The following CFAP299 variants were observed in gnomAD, a reference collection of about 807,000 sequenced individuals.
CFAP299 encodes the protein cilia- and flagella-associated protein 299.
A neutral mutation model predicts 27.0 loss-of-function variants in CFAP299; 21 were observed. The observed-to-expected ratio is 0.78, with a 90% CI of 0.55 to 1.12. CFAP299 has a LOEUF of 1.12. CFAP299 is among the 50% of genes most tolerant of loss of function. The pLI is 0.00. For missense variants in CFAP299, 310 were observed against 276.6 expected (o/e 1.12, Z -0.86); for synonymous variants, 104 against 98.1 (o/e 1.06, Z -0.36).
intron 3 of CFAP299, among the ~76,000 whole-genome samples, chr4:80,828,117 T>G (rs1387825596): frequency 6.6e-6 from 1 of 152,024 alleles, no homozygotes; most frequent in East Asian, 1.9e-4. Flanking sequence ...GTTCGTATTA[T>G]GGAAGACAAT....
chr4:80,821,074 C>A (rs1729678642), intron 3 of CFAP299, among the ~76,000 whole-genome samples: 1 of 152,070 alleles, frequency 6.6e-6, no homozygotes, highest in Non-Finnish European at 1.5e-5. Context: ...GATCACAGAC[C>A]TGATTGATCA....
chr4:80,358,295 GAGA>G (rs1166101293), intron 1 of CFAP299, among the ~76,000 whole-genome samples: 1 of 152,168 alleles, frequency 6.6e-6, no homozygotes, highest in Admixed American at 6.6e-5. Flanking sequence ...AGGTGGCAGT[GAGA>G]AGAACATACG....
chr4:80,421,691 GA>G (rs1390419113), intron 2 of CFAP299, among the ~76,000 whole-genome samples: 1 of 152,182 alleles, frequency 6.6e-6, no homozygotes, highest in Non-Finnish European at 1.5e-5. Flanking sequence ...TTTCATGAAT[GA>G]ACTTAAGGAG....
chr4:80,702,246 G>A (rs1384589288), intron 3 of CFAP299, among the ~76,000 whole-genome samples: 1 of 151,602 alleles, frequency 6.6e-6, no homozygotes, highest in Non-Finnish European at 1.5e-5. Context: ...TTCAATATTT[G>A]TAAATATTAA....
At chr4:80,855,513 G>A (rs982110360) in intron 3 of CFAP299, among the ~76,000 whole-genome samples, 17 of 151,934 alleles carry the variant, frequency 1.1e-4, no homozygotes, top group South Asian at 6.2e-4. Flanking sequence ...CGACTAACTC[G>A]TCATCTAGCA....
chr4:80,504,463 A>ATATATATATATG (rs1731901983), intron 2 of CFAP299, among the ~76,000 whole-genome samples: 1 of 6,054 alleles, frequency 1.7e-4, no homozygotes, highest in African/African-American at 6.7e-4. Flanking sequence ...AAAATCTCAC[A>ATATATATATATG]TATATATATA....
rs545769787 is a variant in CFAP299 at position 80,829,560 on chromosome 4, C to G, written c.334-40433C>G. The stretch of plus-strand genomic sequence containing the variant: ...AAAATAGAATTACCATATGATCCAG[C>G]AATTTGATTTCTAAGTATGTAAGTA... On this transcript the variant is annotated intron_variant, in intron 3 of 5. Coordinates refer to ENST00000358105, the MANE Select transcript of CFAP299 (RefSeq NM_152770.3). Among the ~76,000 whole-genome samples the G allele has an allele frequency of 2.0e-5, 3 of 151,934 alleles. No homozygotes were observed. In the South Asian group the frequency reaches 6.2e-4, roughly 32 times the overall value.
chr4:80,608,365 C>A, intron 3 of CFAP299: 1 of 1,529,462 alleles, frequency 6.5e-7, no homozygotes. Flanking sequence ...CTGCTCATAT[C>A]TTGAAGAAGC....
chr4:80,929,351 ACACCACTATCCCTCCAGTCTCTGTAG>A (rs1450653007), intron 4 of CFAP299, among the ~76,000 whole-genome samples: 66 of 140,484 alleles, frequency 4.7e-4, no homozygotes, highest in South Asian at 1.5e-3. Flanking sequence ...AGTCTCTATG[ACACCACTATCCCTCCAGTCTCTGTAG>A]CACCACTATC....
intron 2 of CFAP299, among the ~76,000 whole-genome samples, chr4:80,392,464 G>C (rs1022014101): frequency 6.6e-6 from 1 of 152,116 alleles, no homozygotes; most frequent in Non-Finnish European, 1.5e-5. Context: ...TCTTGTGCAA[G>C]GTGATTACAT....
intron 3 of CFAP299, among the ~76,000 whole-genome samples, chr4:80,796,827 A>G (rs907413750): frequency 6.6e-6 from 1 of 152,166 alleles, no homozygotes; most frequent in Non-Finnish European, 1.5e-5. Context: ...AGCTAAAATT[A>G]ACTCTAATCA....
chr4:80,682,411 G>A (rs1384336350), intron 3 of CFAP299, among the ~76,000 whole-genome samples: 1 of 152,114 alleles, frequency 6.6e-6, no homozygotes, highest in Non-Finnish European at 1.5e-5. Context: ...ACTAAAGGAA[G>A]AGGAAACAAC....
intron 2 of CFAP299, among the ~76,000 whole-genome samples, chr4:80,413,750 C>CTTTTTTTTTTTTTT (rs66780627): frequency 5.0e-4 from 54 of 108,274 alleles, no homozygotes; most frequent in Non-Finnish European, 5.7e-4. Context: ...TTGTGTCATT[C>CTTTTTTTTTTTTTT]TTTTTTTTTT....
intron 3 of CFAP299, among the ~76,000 whole-genome samples, chr4:80,698,881 C>CTAA (rs1334485195): frequency 3.3e-5 from 5 of 152,124 alleles, no homozygotes; most frequent in Admixed American, 3.3e-4. Context: ...CCCCTATGAT[C>CTAA]TAATCACCTC....
chr4:80,791,810 A>C (rs1296526234), intron 3 of CFAP299, among the ~76,000 whole-genome samples: 1 of 151,928 alleles, frequency 6.6e-6, no homozygotes, highest in Non-Finnish European at 1.5e-5. Flanking sequence ...AGTTGAGACC[A>C]TATTCCCTCA....
At chr4:80,453,042 G>T (rs1728974017) in intron 2 of CFAP299, among the ~76,000 whole-genome samples, 1 of 152,148 alleles carries the variant, frequency 6.6e-6, no homozygotes, top group Non-Finnish European at 1.5e-5. Context: ...ATTGTCACAG[G>T]TTATTAACGT....
Position 80,389,287 on chromosome 4 carries a change from C to T in CFAP299, c.242+26403C>T, listed in dbSNP as rs183078840. ...TATTACAATAATGAACAATTCTTCT[C>T]TTTAGAGCTTCACTTTCTAATCACC... On this transcript the variant is annotated intron_variant, in intron 2 of 5. Coordinates refer to ENST00000358105, the MANE Select transcript of CFAP299 (RefSeq NM_152770.3). Among the ~76,000 whole-genome samples, 940 of 152,200 alleles carry T rather than the reference C, an allele frequency of 6.2e-3. 2 individuals are homozygous for T. The highest frequency in any genetic ancestry group is 0.024 in the Middle Eastern group (7 of 294).
intron 3 of CFAP299, among the ~76,000 whole-genome samples, chr4:80,583,747 A>G (rs992037725): frequency 6.6e-6 from 1 of 151,976 alleles, no homozygotes; most frequent in African/African-American, 2.4e-5. Context: ...ATTTACTTTC[A>G]CACTTTGTTA....
chr4:80,558,047 T>A (rs1328234582), intron 2 of CFAP299, among the ~76,000 whole-genome samples: 1 of 152,128 alleles, frequency 6.6e-6, no homozygotes, highest in East Asian at 1.9e-4. Flanking sequence ...TTACTCCAAG[T>A]GAATGTCACT....
Sources: allele counts gnomAD v4.1 joint callset (sites outside exome capture counted in the v4.1 genomes callset), GRCh38; gene constraint gnomAD v4.1.1; transcripts MANE v1.5; gene names NCBI Gene and HGNC (gene_info 2026-07-23, HGNC 2026-07-21).